The following ZNF44 variants were observed in gnomAD, a reference collection of about 807,000 sequenced individuals.
ZNF44 encodes the protein gonadotropin inducible transcription repressor-2.
Under a neutral mutation model 11.7 loss-of-function variants are expected in ZNF44, and 9 were observed. The ratio of observed to expected loss-of-function variants is 0.77; its 90% confidence interval spans 0.46 to 1.35. ZNF44 has a LOEUF of 1.35. Ranked by LOEUF, ZNF44 falls within the 40% of genes most tolerant of loss-of-function variation. The probability of loss-of-function intolerance (pLI) is 0.00; values close to 1 mark genes in which losing one functional copy is unlikely to be tolerated. For missense variants in ZNF44, 696 were observed against 743.1 expected, an observed-to-expected ratio of 0.94 and a Z score of 0.74; for synonymous variants, 224 against 242.7, an observed-to-expected ratio of 0.92 and a Z score of 0.72.
chr19:12,230,365 C>T (rs1322220180), intron 3 of ZNF44: 1 of 152,194 alleles, frequency 6.6e-6, no homozygotes. Context: ...CCCAAGATTT[C>T]CTCTAGCTTA....
intron 1 of ZNF44, among the ~76,000 whole-genome samples, chr19:12,290,678 C>G (rs1967973213): frequency 6.7e-6 from 1 of 149,656 alleles, no homozygotes; most frequent in African/African-American, 2.4e-5. Context: ...CCAGCCTGGG[C>G]AACAGAGTGA....
upstream of ZNF44, among the ~76,000 whole-genome samples, chr19:12,238,624 CAAAA>C (rs760047200): frequency 2.6e-3 from 165 of 62,650 alleles, 1 homozygote; most frequent in African/African-American, 8.0e-3. Context: ...GAGACTGTCT[CAAAA>C]AAAAAAAAAA....
At chr19:12,229,533 G>C (rs1292872099) in intron 3 of ZNF44, among the ~76,000 whole-genome samples, 2 of 152,064 alleles carry the variant, frequency 1.3e-5, no homozygotes, top group African/African-American at 2.4e-5. Context: ...AGGAAAACAA[G>C]ATCTATGAAG....
chr19:12,247,969 T>C (rs776114369), exon 8 of ZNF44: 43 of 1,349,424 alleles, frequency 3.2e-5, no homozygotes, highest in Non-Finnish European at 4.2e-5. Flanking sequence ...GTATGAGTCT[T>C]TTCATGTCTT....
intron 1 of ZNF44, among the ~76,000 whole-genome samples, chr19:12,283,416 C>A (rs1161186496): frequency 6.6e-6 from 1 of 152,126 alleles, no homozygotes; most frequent in African/African-American, 2.4e-5. Flanking sequence ...GCAAGCTCCG[C>A]CTCCCGAGTT....
At chr19:12,251,045 GT>G (rs1916970489) in intron 5 of ZNF44, among the ~76,000 whole-genome samples, 1 of 151,938 alleles carries the variant, frequency 6.6e-6, no homozygotes, top group South Asian at 2.1e-4. Context: ...GGGCAACATG[GT>G]GAAACCCTGT....
At chr19:12,267,137 C>G (rs374994177), downstream of ZNF44, among the ~76,000 whole-genome samples, 13 of 151,338 alleles carry the variant, frequency 8.6e-5, no homozygotes, top group Admixed American at 7.9e-4. Flanking sequence ...CTCTGCCTCA[C>G]GGGTTCAAGC....
chr19:12,290,833 T>C (rs1461255165), intron 1 of ZNF44, among the ~76,000 whole-genome samples: 2 of 152,330 alleles, frequency 1.3e-5, no homozygotes, highest in East Asian at 3.9e-4. Flanking sequence ...GGGCCCACAA[T>C]GACCTCCCTT....
intron 1 of ZNF44, among the ~76,000 whole-genome samples, chr19:12,236,787 A>G (rs1207663251): frequency 3.9e-5 from 6 of 152,246 alleles, no homozygotes; most frequent in Non-Finnish European, 8.8e-5. Context: ...AACACAAGGT[A>G]TAACACTTCA....
At chr19:12,262,421 C>A (rs903861456) in intron 5 of ZNF44, among the ~76,000 whole-genome samples, 1 of 152,000 alleles carries the variant, frequency 6.6e-6, no homozygotes, top group African/African-American at 2.4e-5. Flanking sequence ...CAGGCGCACA[C>A]CACCACACCA....
chr19:12,282,315 T>C (rs117633831), intron 1 of ZNF44, among the ~76,000 whole-genome samples: 2,032 of 152,202 alleles, frequency 0.013, 103 homozygotes, highest in Admixed American at 0.096. Flanking sequence ...AGGAATCAGG[T>C]CACTGGTCTC....
intron 1 of ZNF44, among the ~76,000 whole-genome samples, chr19:12,286,816 T>C (rs1967774895): frequency 6.6e-6 from 1 of 150,984 alleles, no homozygotes; most frequent in African/African-American, 2.4e-5. Context: ...CCAGGCGTGG[T>C]GGTGCACACC....
intron 5 of ZNF44, among the ~76,000 whole-genome samples, chr19:12,255,798 G>A (rs557754922): frequency 4.3e-4 from 65 of 152,092 alleles, no homozygotes; most frequent in African/African-American, 1.4e-3. Flanking sequence ...CCAGCACTTC[G>A]GGAGTCCAAG....
intron 2 of ZNF44, among the ~76,000 whole-genome samples, chr19:12,232,373 C>T (rs900616818): frequency 1.3e-5 from 2 of 152,142 alleles, no homozygotes; most frequent in Non-Finnish European, 2.9e-5. Flanking sequence ...AGACCCTTTA[C>T]GGGTGTCGGG....
At chr19:12,276,188 A>G (rs1365761387) in intron 1 of ZNF44, 106 bp from the exon 2 acceptor site, 1 of 1,496,078 alleles carries the variant, frequency 6.7e-7, no homozygotes, top group Non-Finnish European at 9.1e-7. Flanking sequence ...CCAAGCATTT[A>G]TTCAATGACG....
At chr19:12,278,358 CTGTT>C (rs771028337) in intron 1 of ZNF44, among the ~76,000 whole-genome samples, 2 of 152,160 alleles carry the variant, frequency 1.3e-5, no homozygotes, top group Non-Finnish European at 2.9e-5. Context: ...GGGTAAAACT[CTGTT>C]TGTGGCTCTC....
Position 12,236,380 on chromosome 19 carries a change from G to A in ZNF44, n.138+1072C>T, listed in dbSNP as rs915218181. On this transcript the variant is annotated intron_variant and non_coding_transcript_variant, in intron 1 of 3. Transcript: ENST00000597563. ...GTTGCTTCCCAAGGACACCAAAATCGGACACAAATGTAGCTTGTAAATTAC... is the reference window on the plus strand; with the variant it reads ...GTTGCTTCCCAAGGACACCAAAATCAGACACAAATGTAGCTTGTAAATTAC... Among the ~76,000 whole-genome samples, 6 of 152,134 alleles carry A rather than the reference G, an allele frequency of 3.9e-5. No homozygotes were observed. In the East Asian group the frequency reaches 9.6e-4, roughly 24 times the overall value.
At chr19:12,247,650 G>A in exon 8 of ZNF44, 6 of 1,346,392 alleles carry the variant, frequency 4.5e-6, no homozygotes, top group South Asian at 3.5e-5. Context: ...TCTTCGGGCA[G>A]AACTGCAACA....
intron 5 of ZNF44, among the ~76,000 whole-genome samples, chr19:12,263,691 C>T (rs75826699): frequency 0.43 from 64,455 of 151,330 alleles, 16,252 homozygotes; most frequent in African/African-American, 0.72. Context: ...TTTGGGAGGC[C>T]GAGGCGGGCG....
Sources: allele counts gnomAD v4.1 joint callset (sites outside exome capture counted in the v4.1 genomes callset), GRCh38; gene constraint gnomAD v4.1.1; transcripts MANE v1.5; gene names NCBI Gene and HGNC (gene_info 2026-07-23, HGNC 2026-07-21).